SLC29A3: variants seen among roughly 807,000 people sequenced by gnomAD.
SLC29A3 encodes equilibrative nucleoside transporter 3.
Under a neutral mutation model 25.4 loss-of-function variants are expected in SLC29A3, and 18 were observed. The ratio of observed to expected loss-of-function variants is 0.71; its 90% CI spans 0.49 to 1.05. The LOEUF (loss-of-function observed/expected upper bound fraction) is 1.05. Among genes scored for constraint, SLC29A3 ranks in the 50% least tolerant of loss-of-function variants. SLC29A3 has a pLI of 0.00. For missense variants in SLC29A3, 586 were observed against 609.0 expected (o/e 0.96, Z 0.40); for synonymous variants, 258 against 267.1 (o/e 0.97, Z 0.33).
intron 1 of SLC29A3, among the ~76,000 whole-genome samples, chr10:71,320,311 TAA>T (rs1382236654): frequency 6.6e-6 from 1 of 152,216 alleles, no homozygotes; most frequent in African/African-American, 2.4e-5. Flanking sequence ...TTTTACATTT[TAA>T]ACACTAATTT....
At chr10:71,335,263 C>A (rs1564529915) in intron 2 of SLC29A3, among the ~76,000 whole-genome samples, 1 of 152,210 alleles carries the variant, frequency 6.6e-6, no homozygotes, top group African/African-American at 2.4e-5. Context: ...CAAAACAAAA[C>A]CCCTCTTTAG....
At chr10:71,378,111 C>T (rs1847274654) in intron 4 of SLC29A3, among the ~76,000 whole-genome samples, 1 of 148,982 alleles carries the variant, frequency 6.7e-6, no homozygotes, top group Non-Finnish European at 1.5e-5. Context: ...GGGGGGTCCT[C>T]TTTTGGAAAA....
At chr10:71,320,619 G>A (rs1326938658) in intron 1 of SLC29A3, among the ~76,000 whole-genome samples, 3 of 152,206 alleles carry the variant, frequency 2.0e-5, no homozygotes, top group South Asian at 4.1e-4. Context: ...GCCTCCATGC[G>A]AATCCAGGCT....
In SLC29A3 at chr10:71,350,314, C is replaced by CTTGTGT. The variant is rs1554816962; in HGVS notation, c.384-1248_384-1247insTTGTGT. Among the ~76,000 whole-genome samples, 744 of 142,570 alleles carry CTTGTGT rather than the reference C, an allele frequency of 5.2e-3. 22 individuals are homozygous for CTTGTGT. The highest frequency in any genetic ancestry group is 0.022 in the South Asian group (91 of 4,144). 93.5% of individuals were successfully genotyped at this position (142,570 alleles called of 152,430 possible). ...TTTCTTGCTCATCATTTCACACCTA[C>CTTGTGT]GTGTGTGTGTGTGTGTGTGTGTGTG... On this transcript the variant is annotated intron_variant, in intron 3 of 5. Coordinates refer to ENST00000373189, the MANE Select transcript of SLC29A3 (RefSeq NM_018344.6).
At chr10:71,359,228 T>C (rs150016398) in intron 5 of SLC29A3, among the ~76,000 whole-genome samples, 197 of 152,328 alleles carry the variant, frequency 1.3e-3, no homozygotes, top group African/African-American at 4.6e-3. Context: ...CTTCTGTTTC[T>C]TTGCTGATTA....
Position 71,356,178 on chromosome 10 carries a change from GGC to G in SLC29A3, c.709_710del (p.Ala237HisfsTer36). On this transcript the variant is annotated frameshift_variant, in exon 5 of 6. Coordinates refer to ENST00000373189, the MANE Select transcript of SLC29A3 (RefSeq NM_018344.6). LOFTEE classifies it high-confidence loss of function. ...ACAGCGCCCTGGCCTTCTTCCTGAC[GGC>G]CACTGTCTTCCTCGTGCTCTGCATG... Reference protein sequence around the residue: ...RNSALAFFLTATVFLVLCMGL... With the variant: ...RNSALAFFLTXTVFLVLCMGL... The G allele has an allele frequency of 6.2e-7, 1 of 1,614,098 alleles. No individual in the cohort carries two copies. The highest frequency in any genetic ancestry group is 8.5e-7 in the Non-Finnish European group (1 of 1,179,988).
chr10:71,349,717 A>T (rs1359668226), intron 3 of SLC29A3, among the ~76,000 whole-genome samples: 1 of 151,568 alleles, frequency 6.6e-6, no homozygotes, highest in Non-Finnish European at 1.5e-5. Context: ...CCCCAGCATC[A>T]CCTCTGTGCT....
At chr10:71,364,191 C>T (rs1847143840), downstream of SLC29A3, 1 of 152,174 alleles carries the variant, frequency 6.6e-6, no homozygotes, top group South Asian at 2.1e-4. Context: ...GTGTCTGGCC[C>T]AGAGTCTCAT....
At chr10:71,356,355 A>G in intron 5 of SLC29A3, 112 bp downstream of exon 5, 1 of 1,353,712 alleles carries the variant, frequency 7.4e-7, no homozygotes, top group South Asian at 1.3e-5. Context: ...CTATGGCTCA[A>G]AGCAGTTGTT....
chr10:71,346,953 G>A lies in SLC29A3; in HGVS notation c.383+2662G>A, dbSNP rs147309124. On this transcript the variant is annotated intron_variant, in intron 3 of 5. Coordinates refer to ENST00000373189, the MANE Select transcript of SLC29A3 (RefSeq NM_018344.6). Reference sequence around the variant, plus strand: ...CAGCTACCCTCTGAGATTGGGTCCCGGCAGATGGCTCAGCAGTTACAGGAC... The same window carrying A: ...CAGCTACCCTCTGAGATTGGGTCCCAGCAGATGGCTCAGCAGTTACAGGAC... Among the ~76,000 whole-genome samples the A allele has an allele frequency of 5.5e-3, 835 of 152,210 alleles. 22 individuals are homozygous for A. Among genetic ancestry groups the A allele is most frequent in the South Asian group, 0.021 (103 of 4,814 alleles).
At chr10:71,331,901 A>C (rs892806228) in intron 2 of SLC29A3, among the ~76,000 whole-genome samples, 2 of 152,124 alleles carry the variant, frequency 1.3e-5, no homozygotes, top group African/African-American at 4.8e-5. Flanking sequence ...AAATACCCGG[A>C]TTCCTAGACC....
At chr10:71,328,778 A>G (rs1846038661) in intron 2 of SLC29A3, among the ~76,000 whole-genome samples, 1 of 152,234 alleles carries the variant, frequency 6.6e-6, no homozygotes, top group South Asian at 2.1e-4. Flanking sequence ...GTGTGTTGGC[A>G]TAGACATGAA....
At chr10:71,323,185 A>T in intron 2 of SLC29A3, 131 bp downstream of exon 2, 1 of 1,218,300 alleles carries the variant, frequency 8.2e-7, no homozygotes. Context: ...TGGGAAGAAG[A>T]TGCAAATTAT....
intron 3 of SLC29A3, among the ~76,000 whole-genome samples, chr10:71,351,068 C>T (rs949813086): frequency 2.0e-5 from 3 of 152,196 alleles, no homozygotes; most frequent in South Asian, 2.1e-4. Flanking sequence ...CCCTTTGCCC[C>T]CAAACCTCCT....
Position 71,362,801 on chromosome 10 carries a change from G to C in SLC29A3, c.*193G>C. ...CATTCCGTGCAAGGCAGATATTCCA[G>C]TCATATTAACAGAACACTCCTGAGA... On this transcript the variant is annotated 3_prime_UTR_variant, in exon 6 of 6. Transcript: ENST00000373189. 1.4e-6 allele frequency: 1 copy of C among 735,834 alleles called. No individual in the cohort carries two copies. The highest frequency in any genetic ancestry group is 2.4e-6 in the Non-Finnish European group (1 of 418,312). 45.6% of individuals were successfully genotyped at this position (735,834 alleles called of 1,614,324 possible).
chr10:71,351,885 A>T (rs1846775028), intron 4 of SLC29A3, 97 bp downstream of exon 4: 2 of 1,046,418 alleles, frequency 1.9e-6, no homozygotes, highest in Admixed American at 4.0e-5. Context: ...TCTGAAAAGG[A>T]AATGGCATGG....
intron 2 of SLC29A3, among the ~76,000 whole-genome samples, chr10:71,339,612 C>T (rs1043528993): frequency 1.3e-5 from 2 of 152,102 alleles, no homozygotes; most frequent in African/African-American, 4.8e-5. Context: ...TGGTTTGCTT[C>T]AGCTCAGGAG....
At chr10:71,372,678 G>A (rs2131858929) in intron 3 of SLC29A3, among the ~76,000 whole-genome samples, 1 of 152,288 alleles carries the variant, frequency 6.6e-6, no homozygotes, top group African/African-American at 2.4e-5. Context: ...TTCCAGTTGA[G>A]GCCTCAGGAA....
At position 71,362,619 on chromosome 10, in the gene SLC29A3, A is replaced by G. The variant is rs776790087; in HGVS notation, c.*11A>G. On this transcript the variant is annotated 3_prime_UTR_variant, in exon 6 of 6. Transcript: ENST00000373189. ...GTGCACCTCATCTAGAAGGGAGGAC[A>G]CAAGGACATTGGTGCTTCAGAGCCT... 1 of 1,614,126 alleles carries G rather than the reference A, an allele frequency of 6.2e-7. No individual in the cohort carries two copies. Among genetic ancestry groups the G allele is most frequent in the Non-Finnish European group, 8.5e-7 (1 of 1,180,032 alleles).
Sources: allele counts gnomAD v4.1 joint callset (sites outside exome capture counted in the v4.1 genomes callset), GRCh38; gene constraint gnomAD v4.1.1; transcripts MANE v1.5; gene names NCBI Gene and HGNC (gene_info 2026-07-23, HGNC 2026-07-21).